Variants in XKR4 observed in about 807,000 individuals in gnomAD.
XKR4 encodes the protein XK related 4.
Under a neutral mutation model 53.9 loss-of-function variants are expected in XKR4, and 12 were observed. The observed-to-expected ratio is 0.22, with a 90% CI of 0.14 to 0.36. The LOEUF (loss-of-function observed/expected upper bound fraction) is 0.36. XKR4 is among the 10% of genes least tolerant of loss of function. XKR4 has a pLI of 1.00. For missense variants in XKR4, 799 were observed against 859.5 expected (o/e 0.93, Z 0.88); for synonymous variants, 354 against 362.4 (o/e 0.98, Z 0.26).
At chr8:55,299,636 A>C (rs1174547677) in intron 1 of XKR4, among the ~76,000 whole-genome samples, 1 of 152,190 alleles carries the variant, frequency 6.6e-6, no homozygotes, top group Admixed American at 6.5e-5. Flanking sequence ...GAAAAGATGC[A>C]ACATATTGGG....
At chr8:55,135,897 T>G (rs573630041) in intron 1 of XKR4, among the ~76,000 whole-genome samples, 23 of 151,750 alleles carry the variant, frequency 1.5e-4, no homozygotes, top group African/African-American at 4.6e-4. Context: ...CACTTTTTTT[T>G]TTTTTTTGTT....
At chr8:55,450,461 C>T (rs1361258895) in intron 2 of XKR4, 1 of 593,126 alleles carries the variant, frequency 1.7e-6, no homozygotes, top group African/African-American at 1.9e-5. Context: ...AGGCAGCTGG[C>T]TCCTGCGCTG....
chr8:55,308,330 A>T (rs887412054), intron 1 of XKR4, among the ~76,000 whole-genome samples: 2 of 152,168 alleles, frequency 1.3e-5, no homozygotes, highest in Non-Finnish European at 2.9e-5. Context: ...GGTTTAATTG[A>T]CTCACAGTTC....
rs144920262 is a variant in XKR4, at chr8:55,129,506, C to T, written c.806+26212C>T. Among the ~76,000 whole-genome samples, 512 of 116,716 alleles carry T rather than the reference C, an allele frequency of 4.4e-3. 5 individuals carry two copies. Among genetic ancestry groups the T allele is most frequent in the Admixed American group, 8.1e-3 (95 of 11,800 alleles). 76.6% of individuals were successfully genotyped at this position (116,716 alleles called of 152,430 possible). ...ATTTGTGTAGATCTTAACTCCTTGACTGTGGCTTGTTTAATGGATTTAGTA... is the reference window on the plus strand; with the variant it reads ...ATTTGTGTAGATCTTAACTCCTTGATTGTGGCTTGTTTAATGGATTTAGTA... On this transcript the variant is annotated intron_variant, in intron 1 of 2. Coordinates refer to ENST00000327381, the MANE Select transcript of XKR4 (RefSeq NM_052898.2).
intron 2 of XKR4, among the ~76,000 whole-genome samples, chr8:55,405,600 G>A (rs567384149): frequency 1.2e-4 from 18 of 152,308 alleles, no homozygotes; most frequent in African/African-American, 3.9e-4. Context: ...GCCCTGATTA[G>A]CTGGTGAGGA....
At chr8:55,261,404 A>G (rs752946838) in intron 1 of XKR4, among the ~76,000 whole-genome samples, 25 of 152,242 alleles carry the variant, frequency 1.6e-4, no homozygotes, top group Non-Finnish European at 3.1e-4. Flanking sequence ...CATCAGAAAC[A>G]CTTTCAGATC....
At chr8:55,439,337 AAATTCTCTAAACAGGG>A (rs11274690) in intron 2 of XKR4, among the ~76,000 whole-genome samples, 10 of 151,252 alleles carry the variant, frequency 6.6e-5, no homozygotes, top group Non-Finnish European at 1.2e-4. Context: ...TTCCCAATCA[AAATTCTCTAAACAGGG>A]AATTCTCTAA....
intron 1 of XKR4, among the ~76,000 whole-genome samples, chr8:55,335,820 C>T (rs1265744380): frequency 1.3e-5 from 2 of 152,056 alleles, no homozygotes; most frequent in Non-Finnish European, 2.9e-5. Flanking sequence ...AATCTAATCT[C>T]AAAATGTTAT....
At chr8:55,370,835 C>T (rs1231155480) in intron 2 of XKR4, among the ~76,000 whole-genome samples, 1 of 152,044 alleles carries the variant, frequency 6.6e-6, no homozygotes, top group African/African-American at 2.4e-5. Context: ...TCCTTCCCAA[C>T]ACAGTGGAAC....
intron 2 of XKR4, among the ~76,000 whole-genome samples, chr8:55,400,988 C>T (rs1804592138): frequency 6.6e-6 from 1 of 152,248 alleles, no homozygotes; most frequent in Non-Finnish European, 1.5e-5. Context: ...CAGACATACA[C>T]ACCTAGCACT....
intron 1 of XKR4, among the ~76,000 whole-genome samples, chr8:55,278,252 G>C (rs753111413): frequency 6.6e-6 from 1 of 150,540 alleles, no homozygotes; most frequent in African/African-American, 2.4e-5. Flanking sequence ...CACAAGAATC[G>C]TTCCAACCCT....
At chr8:55,418,889 GC>G (rs2129392163) in intron 2 of XKR4, among the ~76,000 whole-genome samples, 1 of 145,600 alleles carries the variant, frequency 6.9e-6, no homozygotes, top group Non-Finnish European at 1.5e-5. Context: ...AATTTGCCCT[GC>G]TTTTTTTTTT....
chr8:55,481,868 A>T (rs914294803), intron 2 of XKR4, among the ~76,000 whole-genome samples: 2 of 152,200 alleles, frequency 1.3e-5, no homozygotes, highest in Admixed American at 6.5e-5. Flanking sequence ...ACCAGTTAGA[A>T]TGGAAATCAT....
At chr8:55,290,057 T>C (rs1328522994) in intron 1 of XKR4, among the ~76,000 whole-genome samples, 2 of 152,112 alleles carry the variant, frequency 1.3e-5, no homozygotes, top group African/African-American at 4.8e-5. Flanking sequence ...TGATACCTCA[T>C]TGTGGTTTTA....
chr8:55,145,813 GTGCAGTAGA>G (rs1816766252), intron 1 of XKR4, among the ~76,000 whole-genome samples: 1 of 152,150 alleles, frequency 6.6e-6, no homozygotes, highest in African/African-American at 2.4e-5. Flanking sequence ...TAAATTTTGT[GTGCAGTAGA>G]TGCAAAATGA....
At chr8:55,275,146 AT>A (rs1818746673) in intron 1 of XKR4, among the ~76,000 whole-genome samples, 1 of 152,224 alleles carries the variant, frequency 6.6e-6, no homozygotes, top group Non-Finnish European at 1.5e-5. Flanking sequence ...TAAAGAAAAT[AT>A]TTCCATTTCA....
chr8:55,135,783 A>T lies in XKR4; in HGVS notation c.806+32489A>T, dbSNP rs74722249. On this transcript the variant is annotated intron_variant, in intron 1 of 2. Transcript: ENST00000327381. ...GCCGGTGCACTCACACCCTTCCTGC[A>T]TGTTGACCACTTCCTCTCTCTGGTC... 4.4e-3 allele frequency: 1,387 copies of T among 314,842 alleles called. 17 individuals are homozygous for T. Among genetic ancestry groups the T allele is most frequent in the African/African-American group, 0.028 (1,315 of 47,354 alleles). 19.5% of individuals were successfully genotyped at this position (314,842 alleles called of 1,614,324 possible).
At chr8:55,292,788 A>C (rs1376491165) in intron 1 of XKR4, among the ~76,000 whole-genome samples, 1 of 152,166 alleles carries the variant, frequency 6.6e-6, no homozygotes, top group African/African-American at 2.4e-5. Context: ...TTTTCCTCTC[A>C]GTACTGTGTT....
At chr8:55,186,129 G>T (rs1450726707) in intron 1 of XKR4, among the ~76,000 whole-genome samples, 1 of 152,116 alleles carries the variant, frequency 6.6e-6, no homozygotes, top group Non-Finnish European at 1.5e-5. Context: ...CCTTCTGGCT[G>T]CAAACCAATT....
Sources: allele counts gnomAD v4.1 joint callset (sites outside exome capture counted in the v4.1 genomes callset), GRCh38; gene constraint gnomAD v4.1.1; transcripts MANE v1.5; gene names NCBI Gene and HGNC (gene_info 2026-07-23, HGNC 2026-07-21).